CCDC146: variants seen among roughly 807,000 people sequenced by gnomAD.
The protein encoded by CCDC146 is coiled-coil domain containing 146, also known as coiled-coil domain-containing protein 146.
A neutral mutation model predicts 119.3 loss-of-function variants in CCDC146; 92 were observed. The observed-to-expected ratio is 0.77, with a 90% CI of 0.65 to 0.92. CCDC146 has a LOEUF of 0.92. CCDC146 is among the 40% of genes least tolerant of loss of function. The pLI is 0.00. For synonymous variants in CCDC146, 372 were observed against 371.8 expected, an observed-to-expected ratio of 1.00 and a Z score of -0.01; for missense variants, 1,000 against 1,103.0, an observed-to-expected ratio of 0.91 and a Z score of 1.32.
At chr7:77,160,148 A>G (rs1005776257) in intron 1 of CCDC146, among the ~76,000 whole-genome samples, 19 of 152,168 alleles carry the variant, frequency 1.2e-4, no homozygotes, top group African/African-American at 4.3e-4. Context: ...TGGTACAAGT[A>G]CCATGCTGTT....
chr7:77,203,039 C>A lies in CCDC146; in HGVS notation c.157-33908C>A, dbSNP rs923188726. ...AGGAAAATAAAATACTTGCCCCCCC[C>A]CCCCCCAGGACTATTTTAGGAATGA... On this transcript the variant is annotated intron_variant, in intron 2 of 18. Transcript: ENST00000285871. Among the ~76,000 whole-genome samples, 243 of 141,032 alleles carry A rather than the reference C, an allele frequency of 1.7e-3. 5 individuals carry two copies. Among genetic ancestry groups the A allele is most frequent in the Admixed American group, 2.5e-3 (35 of 14,132 alleles). The allele number at this position is 141,032 out of a possible 152,430, so 92.5% of individuals were successfully genotyped here. A position where few individuals can be genotyped will look rare whatever the true frequency, so the allele number is the denominator to read the frequency against.
At position 77,286,871 on chromosome 7, in the gene CCDC146, G is replaced by C. The variant is rs368176812; in HGVS notation, c.2222G>C (p.Arg741Pro). 1.2e-6 allele frequency: 2 copies of C among 1,614,022 alleles called. No homozygotes were observed. Among genetic ancestry groups the C allele is most frequent in the Non-Finnish European group, 1.7e-6 (2 of 1,179,892 alleles). ...FVKPDGENRA[R>P]FLPGKDLTEK... ...AAGCCTGATGGTGAGAATAGAGCTC[G>C]CTTCCTTCCAGGGAAAGATCTGACC... Residue 741 changes from arginine to proline, a missense_variant, in exon 16 of 19, where the codon CGC becomes CCC. Coordinates refer to ENST00000285871, the MANE Select transcript of CCDC146 (RefSeq NM_020879.3).
intron 2 of CCDC146, among the ~76,000 whole-genome samples, chr7:77,204,055 A>C (rs1792042448): frequency 6.6e-6 from 1 of 151,778 alleles, no homozygotes; most frequent in Admixed American, 6.6e-5. Context: ...TTGTGTTTCT[A>C]TTTGTACTAA....
At chr7:77,172,232 T>G (rs1791433577) in intron 2 of CCDC146, among the ~76,000 whole-genome samples, 1 of 152,272 alleles carries the variant, frequency 6.6e-6, no homozygotes, top group East Asian at 1.9e-4. Context: ...TTTCTAATTC[T>G]TTTAGGATTA....
At chr7:77,266,952 T>C (rs1793416158) in intron 9 of CCDC146, among the ~76,000 whole-genome samples, 3 of 151,870 alleles carry the variant, frequency 2.0e-5, no homozygotes, top group Admixed American at 1.3e-4. Flanking sequence ...GCTCCCTCCA[T>C]TTGGGGGTAG....
At chr7:77,273,903 T>G in intron 10 of CCDC146, 114 bp downstream of exon 10, 1 of 559,738 alleles carries the variant, frequency 1.8e-6, no homozygotes, top group Non-Finnish European at 3.2e-6. Flanking sequence ...GAGAGTATGA[T>G]CCTGCTTCAT....
chr7:77,269,927 A>G lies in CCDC146; in HGVS notation c.1174-3767A>G, dbSNP rs554858221. On this transcript the variant is annotated intron_variant, in intron 9 of 18. Coordinates refer to ENST00000285871, the MANE Select transcript of CCDC146 (RefSeq NM_020879.3). ...CCAGGCACTCCCAGCCCAAGTGAAC[A>G]TTTTTTCAGACTTGCATGCAATCCA... 2.0e-5 allele frequency among the ~76,000 whole-genome samples: 3 copies of G among 152,280 alleles called. No individual in the cohort carries two copies. In the East Asian group the frequency reaches 5.8e-4, roughly 29 times the overall value.
intron 13 of CCDC146, 63 bp downstream of exon 13, chr7:77,279,164 A>G: frequency 2.6e-6 from 4 of 1,553,550 alleles, no homozygotes; most frequent in Non-Finnish European, 3.5e-6. Context: ...TGAACTCTAA[A>G]AATCCTGGGG....
At chr7:77,199,433 C>T (rs962390445) in intron 2 of CCDC146, 23 of 1,614,192 alleles carry the variant, frequency 1.4e-5, no homozygotes, top group Non-Finnish European at 1.8e-5. Context: ...TCTCCCGGGG[C>T]TCCTGTACTG....
In CCDC146 at chr7:77,262,113, T is replaced by C; in HGVS notation, c.987-8T>C. ...ATCATTTTCTTCTTCTTCCTTTACC[T>C]GGAACAGAGGGATCTTGGATCTCAA... On this transcript the variant is annotated splice_region_variant and splice_polypyrimidine_tract_variant and intron_variant, in intron 8 of 18. Transcript: ENST00000285871. The C allele has an allele frequency of 6.3e-7, 1 of 1,579,330 alleles. No homozygotes were observed. The highest frequency in any genetic ancestry group is 8.6e-7 in the Non-Finnish European group (1 of 1,163,510).
At chr7:77,135,533 G>C (rs1246650146) in intron 1 of CCDC146, among the ~76,000 whole-genome samples, 1 of 152,138 alleles carries the variant, frequency 6.6e-6, no homozygotes, top group Non-Finnish European at 1.5e-5. Flanking sequence ...AGAGAAAAAA[G>C]AAAGTTGGTA....
intron 1 of CCDC146, among the ~76,000 whole-genome samples, chr7:77,151,363 A>C (rs1791106078): frequency 1.3e-5 from 2 of 152,112 alleles, no homozygotes; most frequent in Non-Finnish European, 2.9e-5. Context: ...ACTGGTGGTT[A>C]TCATGTGCCA....
intron 1 of CCDC146, among the ~76,000 whole-genome samples, chr7:77,125,323 T>C (rs1562808814): frequency 1.3e-5 from 2 of 150,972 alleles, no homozygotes; most frequent in South Asian, 2.1e-4. Flanking sequence ...GAAAAGAATA[T>C]ATACAAAATT....
At chr7:77,161,815 C>G (rs545772215) in intron 1 of CCDC146, among the ~76,000 whole-genome samples, 3 of 152,078 alleles carry the variant, frequency 2.0e-5, no homozygotes, top group African/African-American at 7.2e-5. Flanking sequence ...AAATTACTAT[C>G]TTTTGTTTTT....
At chr7:77,169,145 G>C (rs1241246408) in intron 2 of CCDC146, among the ~76,000 whole-genome samples, 1 of 151,762 alleles carries the variant, frequency 6.6e-6, no homozygotes, top group Admixed American at 6.6e-5. Context: ...AAGAGAAGAG[G>C]CCGGTTATTT....
intron 4 of CCDC146, among the ~76,000 whole-genome samples, chr7:77,249,505 A>G (rs1430196737): frequency 6.6e-6 from 1 of 151,468 alleles, no homozygotes; most frequent in Non-Finnish European, 1.5e-5. Flanking sequence ...AAAAAAAAAA[A>G]AAGAATTCAT....
At chr7:77,289,197 G>T (rs886505457) in intron 17 of CCDC146, among the ~76,000 whole-genome samples, 1 of 152,150 alleles carries the variant, frequency 6.6e-6, no homozygotes, top group Non-Finnish European at 1.5e-5. Flanking sequence ...CCTTCCTTTT[G>T]CAAAATGAAT....
rs762166049 is a variant in CCDC146 at position 77,274,462 on chromosome 7, T to C, written c.1270-20T>C. 2 of 1,415,068 alleles carry C rather than the reference T, an allele frequency of 1.4e-6. No homozygotes were observed. Among genetic ancestry groups the C allele is most frequent in the South Asian group, 2.6e-5 (2 of 76,026 alleles). 87.7% of individuals were successfully genotyped at this position (1,415,068 alleles called of 1,614,324 possible). A position where few individuals can be genotyped will look rare whatever the true frequency, so the allele number is the denominator to read the frequency against. ...TTCAAACAAATAACTTATAATATTATCTGTGTTTTTTTTCAAAAGAAAATT... is the reference window on the plus strand; with the variant it reads ...TTCAAACAAATAACTTATAATATTACCTGTGTTTTTTTTCAAAAGAAAATT... On this transcript the variant is annotated intron_variant, in intron 10 of 18. Coordinates refer to ENST00000285871, the MANE Select transcript of CCDC146 (RefSeq NM_020879.3).
At chr7:77,294,458 A>G (rs1794006377) in intron 18 of CCDC146, among the ~76,000 whole-genome samples, 1 of 125,612 alleles carries the variant, frequency 8.0e-6, no homozygotes, top group Non-Finnish European at 1.7e-5. Context: ...TGCCAATGAG[A>G]GGTAGGTGTG....
Sources: gnomAD v4.1 joint callset for allele counts (sites outside exome capture counted in the v4.1 genomes callset) on GRCh38, gnomAD v4.1.1 for gene constraint, MANE v1.5 for transcripts, NCBI Gene and HGNC (gene_info 2026-07-23, HGNC 2026-07-21) for gene names.